Variants in TBL1X observed in about 807,000 individuals in gnomAD.
TBL1X encodes the protein F-box-like/WD repeat-containing protein TBL1X.
Under a neutral mutation model 50.7 loss-of-function variants are expected in TBL1X, and 10 were observed. The observed-to-expected ratio is 0.20, with a 90% CI of 0.12 to 0.33. The LOEUF (loss-of-function observed/expected upper bound fraction) is 0.33. Among genes scored for constraint, TBL1X ranks in the 10% least tolerant of loss-of-function variants. The pLI, the probability that TBL1X is intolerant of heterozygous loss-of-function variation, is 1.00. For missense variants in TBL1X, 340 were observed against 504.4 expected (o/e 0.67, Z 3.12); for synonymous variants, 190 against 214.7 (o/e 0.88, Z 1.01).
intron 5 of TBL1X, among the ~76,000 whole-genome samples, chrX:9,680,135 G>A (rs1185797213): frequency 2.7e-5 from 3 of 111,033 alleles, no homozygotes; most frequent in African/African-American, 6.6e-5. Context: ...TCCCATTCAC[G>A]AGAGTGGATC....
chrX:9,640,807 T>C (rs777481397), intron 3 of TBL1X, among the ~76,000 whole-genome samples: 13 of 111,160 alleles, frequency 1.2e-4, no homozygotes, highest in Non-Finnish European at 2.1e-4. Context: ...ATTTTTAAAA[T>C]AGTTTCAGTA....
At chrX:9,474,479 A>C (rs917839700) in intron 1 of TBL1X, among the ~76,000 whole-genome samples, 5 of 113,421 alleles carry the variant, frequency 4.4e-5, no homozygotes, top group Non-Finnish European at 9.3e-5. Flanking sequence ...ATCGTTCCAG[A>C]GGTACAGGTA....
At chrX:9,551,374 CTCATGCATTCT>C (rs2082270456) in intron 2 of TBL1X, among the ~76,000 whole-genome samples, 1 of 110,875 alleles carries the variant, frequency 9.0e-6, no homozygotes, top group Non-Finnish European at 1.9e-5. Flanking sequence ...CGAACACGTT[CTCATGCATTCT>C]TCATGGTGGT....
intron 2 of TBL1X, among the ~76,000 whole-genome samples, chrX:9,548,815 A>G (rs1454287717): frequency 8.9e-6 from 1 of 112,737 alleles, no homozygotes; most frequent in African/African-American, 3.2e-5. Context: ...GGATTTCTCT[A>G]GTGATGTGGT....
intron 2 of TBL1X, among the ~76,000 whole-genome samples, chrX:9,551,600 G>A (rs2238856): frequency 0.39 from 42,563 of 110,402 alleles, 6,249 homozygotes; most frequent in Admixed American, 0.51. Flanking sequence ...GATGGATAAA[G>A]GCAGAGAGGC....
At chrX:9,466,291 G>C (rs866540948) in intron 1 of TBL1X, among the ~76,000 whole-genome samples, 1 of 112,192 alleles carries the variant, frequency 8.9e-6, no homozygotes, top group Non-Finnish European at 1.9e-5. Flanking sequence ...TTCGGGAGTC[G>C]GCGCTGGCCG....
intron 2 of TBL1X, among the ~76,000 whole-genome samples, chrX:9,570,371 G>A (rs550947347): frequency 1.8e-5 from 2 of 111,909 alleles, no homozygotes; most frequent in South Asian, 7.5e-4. Context: ...AGACAGGAAT[G>A]GGACGTGGGG....
chrX:9,584,366 G>A (rs752564806), intron 2 of TBL1X, among the ~76,000 whole-genome samples: 2 of 112,439 alleles, frequency 1.8e-5, no homozygotes, highest in African/African-American at 6.5e-5. Flanking sequence ...AGGAAAAAAA[G>A]CATAATTCTG....
rs998585579 is a variant in TBL1X at position 9,465,128 on chromosome X, TGCC to T, written c.-502_-500del. 6.4e-4 allele frequency: 71 copies of T among 111,503 alleles called. No homozygotes were observed. The highest frequency in any genetic ancestry group is 4.6e-3 in the Middle Eastern group (1 of 219). The allele number at this position is 111,503 out of a possible 1,213,427, so 9.2% of individuals were successfully genotyped here. On this transcript the variant is annotated 5_prime_UTR_variant, in exon 1 of 18. Coordinates refer to ENST00000645353, the MANE Select transcript of TBL1X (RefSeq NM_005647.4). ...CTCCCGCTGTCCCGCCCTCTCCCGCTGCCGCCGCCGCCGCCGCCGCGCCCGCCT... is the reference window on the plus strand; with the variant it reads ...CTCCCGCTGTCCCGCCCTCTCCCGCTGCCGCCGCCGCCGCCGCGCCCGCCT...
chrX:9,607,719 G>A (rs752367376), intron 2 of TBL1X, among the ~76,000 whole-genome samples: 1 of 112,788 alleles, frequency 8.9e-6, no homozygotes, highest in African/African-American at 3.2e-5. Context: ...TTTCCCAAGG[G>A]AGAAAATAGC....
chrX:9,477,815 G>T (rs1339913207), intron 1 of TBL1X, among the ~76,000 whole-genome samples: 1 of 111,365 alleles, frequency 9.0e-6, no homozygotes, highest in Non-Finnish European at 1.9e-5. Flanking sequence ...GCTCCTACTC[G>T]GTTCTCACCC....
chrX:9,677,187 C>A (rs1403454653), intron 5 of TBL1X, among the ~76,000 whole-genome samples: 1 of 111,440 alleles, frequency 9.0e-6, no homozygotes, highest in Admixed American at 9.6e-5. Flanking sequence ...AAGTGGGCAG[C>A]TTTCCAGGCA....
chrX:9,576,815 A>G (rs761857738), intron 2 of TBL1X, among the ~76,000 whole-genome samples: 16 of 109,430 alleles, frequency 1.5e-4, no homozygotes, highest in African/African-American at 5.0e-4. Flanking sequence ...CCTGGGCAAC[A>G]TGGTGAGGCC....
chrX:9,701,730 C>T (rs2083175100), intron 12 of TBL1X, among the ~76,000 whole-genome samples: 1 of 111,242 alleles, frequency 9.0e-6, no homozygotes, highest in Admixed American at 9.6e-5. Context: ...ATGCTGGTCG[C>T]CATCTCTTGG....
chrX:9,523,914 T>C (rs1046743909), intron 2 of TBL1X, among the ~76,000 whole-genome samples: 5 of 110,844 alleles, frequency 4.5e-5, no homozygotes, highest in Admixed American at 2.9e-4. Context: ...TTTTCTTTTC[T>C]TTTTATTGGT....
At chrX:9,707,980 C>T (rs2083219917) in intron 13 of TBL1X, among the ~76,000 whole-genome samples, 1 of 112,405 alleles carries the variant, frequency 8.9e-6, no homozygotes, top group East Asian at 2.8e-4. Flanking sequence ...AACCGGAGCC[C>T]TTAGGAGTAT....
At chrX:9,534,946 C>T (rs1207525893) in intron 2 of TBL1X, 3 of 112,031 alleles carry the variant, frequency 2.7e-5, no homozygotes, top group African/African-American at 9.7e-5. Flanking sequence ...AATTTCACAA[C>T]TTGAGGTAGC....
intron 12 of TBL1X, among the ~76,000 whole-genome samples, chrX:9,702,189 A>G (rs1474409422): frequency 3.6e-5 from 4 of 111,313 alleles, no homozygotes; most frequent in African/African-American, 6.5e-5. Context: ...TAATCCCAGC[A>G]CTTTGGGAGG....
intron 2 of TBL1X, among the ~76,000 whole-genome samples, chrX:9,564,106 A>C (rs1181216649): frequency 8.9e-6 from 1 of 112,407 alleles, no homozygotes; most frequent in Non-Finnish European, 1.9e-5. Context: ...TCCTCCACTA[A>C]TTATTAATTA....
Sources: allele counts gnomAD v4.1 joint callset (sites outside exome capture counted in the v4.1 genomes callset), GRCh38; gene constraint gnomAD v4.1.1; transcripts MANE v1.5; gene names NCBI Gene and HGNC (gene_info 2026-07-23, HGNC 2026-07-21).